Variants in PLEKHG4 observed in about 807,000 individuals in gnomAD.
PLEKHG4 encodes pleckstrin homology and RhoGEF domain containing G4, also known as puratrophin-1.
Under a neutral mutation model 136.9 loss-of-function variants are expected in PLEKHG4, and 85 were observed. The observed-to-expected ratio is 0.62, with a 90% CI of 0.52 to 0.74. The LOEUF (loss-of-function observed/expected upper bound fraction) is 0.74, where lower values mean the gene tolerates loss of function less well. PLEKHG4 is among the 30% of genes least tolerant of loss of function. The pLI is 0.00. For synonymous variants in PLEKHG4, 577 were observed against 646.9 expected (o/e 0.89, Z 1.64); for missense variants, 1,317 against 1,527.8 (o/e 0.86, Z 2.30).
intron 11 of PLEKHG4, among the ~76,000 whole-genome samples, chr16:67,283,825 CAA>C (rs1303817130): frequency 6.6e-6 from 1 of 151,986 alleles, no homozygotes; most frequent in African/African-American, 2.4e-5. Flanking sequence ...GTTGGTCACA[CAA>C]GAGTGCCTGG....
At position 67,288,672 on chromosome 16, in the gene PLEKHG4, GC is replaced by G. The variant is rs909515806; in HGVS notation, c.3570+72del. Reference sequence around the variant, plus strand: ...CAAGCTGAGCCTGTGACTGTGACCAGCCCCTCCCCAGCCCAGGCTAGGCCTT... The same window carrying G: ...CAAGCTGAGCCTGTGACTGTGACCAGCCCTCCCCAGCCCAGGCTAGGCCTT... On this transcript the variant is annotated intron_variant, in intron 21 of 21. Transcript: ENST00000379344. 5.0e-6 allele frequency: 8 copies of G among 1,604,016 alleles called. No individual in the cohort carries two copies. The African/African-American group carries it at 1.1e-4, about 21-fold the overall frequency.
chr16:67,285,628 G>C, intron 14 of PLEKHG4, 92 bp downstream of exon 14: 1 of 1,460,462 alleles, frequency 6.8e-7, no homozygotes, highest in Non-Finnish European at 9.5e-7. Flanking sequence ...CCTGTGCTAT[G>C]AGTATAGCTA....
At position 67,286,510 on chromosome 16, in the gene PLEKHG4, C is replaced by A; in HGVS notation, c.2598C>A (p.Arg866=). ...CCTACCTGCTAAAGCCCATCCAGCG[C>A]ATGGGCAAGTACGCACTGCTGCTGC... The part of the protein sequence containing the change: ...LASYLLKPIQ[R]MGKYALLLQE... The change falls in exon 16 of 22, where the codon CGC becomes CGA. Residue 866 remains arginine (R), a synonymous_variant. Coordinates refer to ENST00000379344, the MANE Select transcript of PLEKHG4 (RefSeq NM_001129729.3). 6.3e-7 allele frequency: 1 copy of A among 1,595,892 alleles called. No homozygotes were observed. Among genetic ancestry groups the A allele is most frequent in the South Asian group, 1.1e-5 (1 of 89,212 alleles).
chr16:67,279,752 G>T, intron 1 of PLEKHG4, 124 bp from the exon 2 acceptor site: 1 of 350,146 alleles, frequency 2.9e-6, no homozygotes, highest in Non-Finnish European at 5.3e-6. Context: ...GCCCCCACGG[G>T]CATGGGCCTG....
chr16:67,279,900 TG>T lies in PLEKHG4; in HGVS notation c.-143del. 1.3e-6 allele frequency: 1 copy of T among 743,992 alleles called. No homozygotes were observed. Among genetic ancestry groups the T allele is most frequent in the Non-Finnish European group, 2.2e-6 (1 of 457,366 alleles). 46.1% of individuals were successfully genotyped at this position (743,992 alleles called of 1,614,324 possible). ...GGCCTGAATTGCAGTTCCTGTGCCCTGGCACTAAGACTGGCACCTCCTGCGG... is the reference window on the plus strand; with the variant it reads ...GGCCTGAATTGCAGTTCCTGTGCCCTGCACTAAGACTGGCACCTCCTGCGG... On this transcript the variant is annotated 5_prime_UTR_variant, in exon 2 of 22. Transcript: ENST00000379344.
In PLEKHG4 at chr16:67,285,408, C is replaced by T. The variant is rs759850598; in HGVS notation, c.2314C>T (p.Arg772Cys). ...TCGCCCCGATGTGCCCCAGGGCCTC[C>T]GCGGTCAGCGTGCCCACCTCTTTGG... The part of the protein sequence containing the change: ...LDRPDVPQGL[R>C]GQRAHLFGNL... The change falls in exon 14 of 22, where the codon CGC becomes TGC. Residue 772 changes from arginine to cysteine, a missense_variant. Physicochemically the swap from Arg to Cys is radical, Grantham distance 180. Coordinates refer to ENST00000379344, the MANE Select transcript of PLEKHG4 (RefSeq NM_001129729.3). 9.9e-6 allele frequency: 16 copies of T among 1,614,130 alleles called. No individual in the cohort carries two copies. The highest frequency in any genetic ancestry group is 1.7e-5 in the Admixed American group (1 of 60,016).
At chr16:67,285,605 C>T (rs2036434234) in intron 14 of PLEKHG4, 69 bp downstream of exon 14, 1 of 1,556,722 alleles carries the variant, frequency 6.4e-7, no homozygotes, top group Admixed American at 1.7e-5. Context: ...TGGGCACATG[C>T]TTGGTGCCAG....
chr16:67,284,138 GAGT>G lies in PLEKHG4; in HGVS notation c.1510-134_1510-132del. 1.4e-6 allele frequency: 1 copy of G among 699,894 alleles called. No homozygotes were observed. The highest frequency in any genetic ancestry group is 2.6e-5 in the Admixed American group (1 of 38,138). 43.4% of individuals were successfully genotyped at this position (699,894 alleles called of 1,614,324 possible). On this transcript the variant is annotated intron_variant, in intron 11 of 21. Transcript: ENST00000379344. This position sits in a 1 kb window ranked among gnomAD's most constrained non-coding sequence, Gnocchi z 4.4. ...GAGAAGGGGAGTGGATGTGGGTGGG[GAGT>G]AGGAGATACGGGTAGATGTTCCACC... is the stretch of plus-strand genomic sequence containing the variant.
intron 14 of PLEKHG4, 139 bp downstream of exon 14, chr16:67,285,675 T>C: frequency 3.1e-6 from 3 of 960,092 alleles, no homozygotes; most frequent in Non-Finnish European, 4.9e-6. Flanking sequence ...CTGAGGGTGC[T>C]CTTAGTCCAG....
upstream of PLEKHG4, chr16:67,278,828 C>T (rs1419804656): frequency 6.6e-6 from 1 of 152,288 alleles, no homozygotes; most frequent in Non-Finnish European, 1.5e-5. Flanking sequence ...GGGGCTCTGG[C>T]TCCAGAACCC....
At chr16:67,286,408 C>T (rs1293793481) in intron 15 of PLEKHG4, 37 bp from the exon 16 acceptor site, 1 of 1,605,360 alleles carries the variant, frequency 6.2e-7, no homozygotes, top group Non-Finnish European at 8.5e-7. Context: ...GCGGGGAGTG[C>T]CCCCAAACCA....
chr16:67,284,388 C>T lies in PLEKHG4; in HGVS notation c.1623C>T (p.Phe541=), dbSNP rs1228927892. The T allele has an allele frequency of 6.2e-7, 1 of 1,614,020 alleles. No homozygotes were observed. Among genetic ancestry groups the T allele is most frequent in the African/African-American group, 1.3e-5 (1 of 74,932 alleles). The part of the protein sequence containing the change: ...FLALRAQLTE[F]SRALAQRCQR... ...CCCTGCGAGCCCAGCTGACTGAATT[C>T]TCTAGGGCTTTGGCCCAGCGGTGCC... is the stretch of plus-strand genomic sequence containing the variant. Residue 541 remains phenylalanine (F), a synonymous_variant, in exon 12 of 22, where the codon TTC becomes TTT. Coordinates refer to ENST00000379344, the MANE Select transcript of PLEKHG4 (RefSeq NM_001129729.3). This position sits in a 1 kb window ranked among gnomAD's most constrained non-coding sequence, Gnocchi z 4.4.
Position 67,286,809 on chromosome 16 carries a change from C to T in PLEKHG4, c.2815C>T (p.Arg939Cys), listed in dbSNP as rs762486532. 2.7e-5 allele frequency: 43 copies of T among 1,613,722 alleles called. No homozygotes were observed. Among genetic ancestry groups the T allele is most frequent in the South Asian group, 3.3e-5 (3 of 91,084 alleles). The change falls in exon 17 of 22, where the codon CGC becomes TGC. Residue 939 changes from arginine to cysteine, a missense_variant. By Grantham distance (180) the Arg-to-Cys change is radical. Coordinates refer to ENST00000379344, the MANE Select transcript of PLEKHG4 (RefSeq NM_001129729.3). Reference sequence around the variant, plus strand: ...GGATGAGTTTGTGGTGCGCACTGGGCGCCACAAGTCCGTGCGCCGCATCTT... The same window carrying T: ...GGATGAGTTTGTGGTGCGCACTGGGTGCCACAAGTCCGTGCGCCGCATCTT... ...RQDEFVVRTG[R>C]HKSVRRIFLF...
At position 67,286,810 on chromosome 16, in the gene PLEKHG4, G is replaced by A. The variant is rs139052224; in HGVS notation, c.2816G>A (p.Arg939His). ...GATGAGTTTGTGGTGCGCACTGGGC[G>A]CCACAAGTCCGTGCGCCGCATCTTC... ...RQDEFVVRTG[R>H]HKSVRRIFLF... The change falls in exon 17 of 22, where the codon CGC becomes CAC. Residue 939 changes from arginine (R) to histidine (H), a missense_variant. Coordinates refer to ENST00000379344, the MANE Select transcript of PLEKHG4 (RefSeq NM_001129729.3). 2.0e-5 allele frequency: 32 copies of A among 1,613,566 alleles called. No homozygotes were observed. The African/African-American group carries it at 2.7e-4, about 13-fold the overall frequency.
At chr16:67,282,908 G>C in intron 11 of PLEKHG4, 50 bp downstream of exon 11, 1 of 1,282,024 alleles carries the variant, frequency 7.8e-7, no homozygotes, top group Non-Finnish European at 1.1e-6. Flanking sequence ...GCAATGCCAG[G>C]AACTAGGAAT....
chr16:67,282,115 TC>T lies in PLEKHG4; in HGVS notation c.1104+12del. ...CAGCCCATGGAGCCTGGGGTGAGTG[TC>T]CCCTCCCAGTCCCTCCATGAATGCT... On this transcript the variant is annotated intron_variant, in intron 8 of 21. Coordinates refer to ENST00000379344, the MANE Select transcript of PLEKHG4 (RefSeq NM_001129729.3). 4 of 1,612,648 alleles carry T rather than the reference TC, an allele frequency of 2.5e-6. No individual in the cohort carries two copies. Among genetic ancestry groups the T allele is most frequent in the Non-Finnish European group, 3.4e-6 (4 of 1,179,388 alleles).
intron 5 of PLEKHG4, 35 bp downstream of exon 5, chr16:67,281,219 T>TA: frequency 2.2e-5 from 31 of 1,390,228 alleles, no homozygotes; most frequent in Non-Finnish European, 2.7e-5. Flanking sequence ...TCATTCCTTT[T>TA]CTTTTCTTTT....
At chr16:67,278,924 T>C (rs533632683), upstream of PLEKHG4, 16 of 152,530 alleles carry the variant, frequency 1.0e-4, no homozygotes, top group African/African-American at 3.9e-4. Flanking sequence ...GAGGATCTGG[T>C]GGACTCTGGC....
chr16:67,286,104 C>G (rs1293079452), intron 14 of PLEKHG4, among the ~76,000 whole-genome samples, 170 bp from the exon 15 acceptor site: 1 of 152,090 alleles, frequency 6.6e-6, no homozygotes, highest in African/African-American at 2.4e-5. Flanking sequence ...CAGTACTGTT[C>G]TTGCCAAATC....
Sources: gnomAD v4.1 joint callset for allele counts (sites outside exome capture counted in the v4.1 genomes callset) on GRCh38, gnomAD v4.1.1 for gene constraint, Gnocchi (gnomAD v3.1) non-coding constraint, MANE v1.5 for transcripts, NCBI Gene and HGNC (gene_info 2026-07-23, HGNC 2026-07-21) for gene names.